MRAP2: variants seen among roughly 807,000 people sequenced by gnomAD.
The protein encoded by MRAP2 is melanocortin 2 receptor accessory protein 2.
In MRAP2, 20 loss-of-function variants were observed where a neutral mutation model predicts 17.4. The ratio of observed to expected loss-of-function variants is 1.15; its 90% CI spans 0.81 to 1.67. MRAP2 has a LOEUF of 1.67. Ranked by LOEUF, MRAP2 falls within the 40% of genes most tolerant of loss-of-function variation. MRAP2 has a pLI of 0.00. For synonymous variants in MRAP2, 96 were observed against 88.4 expected (o/e 1.09, Z -0.48); for missense variants, 238 against 240.0 (o/e 0.99, Z 0.05).
At chr6:84,072,770 G>A (rs990158470) in intron 3 of MRAP2, among the ~76,000 whole-genome samples, 21 of 152,048 alleles carry the variant, frequency 1.4e-4, no homozygotes, top group African/African-American at 4.4e-4. Context: ...GGGAGATGGG[G>A]GTGAGGCTCC....
At chr6:84,115,575 G>T in the MRAP2 span, among the ~76,000 whole-genome samples, 1 of 152,112 alleles carries the variant, frequency 6.6e-6, no homozygotes, top group African/African-American at 2.4e-5. Flanking sequence ...CCTTTCTAGG[G>T]GAGTGAACGG....
the MRAP2 span, among the ~76,000 whole-genome samples, chr6:84,128,602 G>C: frequency 2.0e-5 from 3 of 151,952 alleles, no homozygotes; most frequent in African/African-American, 7.3e-5. Context: ...TCTAAAATGG[G>C]AATAATAGTA....
chr6:84,052,769 G>A (rs2099490761), intron 1 of MRAP2: 1 of 983,362 alleles, frequency 1.0e-6, no homozygotes, highest in Non-Finnish European at 1.2e-6. Context: ...TGCAGAATGA[G>A]AACCTCCTGT....
chr6:84,104,756 T>C, the MRAP2 span, among the ~76,000 whole-genome samples: 1 of 152,032 alleles, frequency 6.6e-6, no homozygotes, highest in African/African-American at 2.4e-5. Flanking sequence ...TAGTCCCAGC[T>C]ACTTGGGAGG....
chr6:84,063,592 A>C (rs921652555), intron 3 of MRAP2, among the ~76,000 whole-genome samples: 2 of 152,240 alleles, frequency 1.3e-5, no homozygotes, highest in Non-Finnish European at 2.9e-5. Flanking sequence ...TGAGTGCTTA[A>C]AGAACATTGA....
the MRAP2 span, among the ~76,000 whole-genome samples, chr6:84,145,796 C>T: frequency 2.6e-5 from 4 of 152,216 alleles, no homozygotes; most frequent in East Asian, 3.9e-4. Context: ...CCTATTGCTG[C>T]GTGTCTTATA....
the MRAP2 span, among the ~76,000 whole-genome samples, chr6:84,102,815 A>AAT: frequency 6.6e-6 from 1 of 152,130 alleles, no homozygotes; most frequent in African/African-American, 2.4e-5. Flanking sequence ...TAAAAAAAAA[A>AAT]ATAATGTGAG....
At chr6:84,070,553 T>G (rs1588647792) in intron 3 of MRAP2, among the ~76,000 whole-genome samples, 1 of 152,200 alleles carries the variant, frequency 6.6e-6, no homozygotes, top group African/African-American at 2.4e-5. Flanking sequence ...CACTGTTGAA[T>G]AGAATGTGTA....
intron 1 of MRAP2, chr6:84,045,429 C>T (rs535520267): frequency 5.8e-5 from 57 of 975,274 alleles, no homozygotes; most frequent in Non-Finnish European, 6.7e-5. Context: ...TGCCCCCAGC[C>T]GTCACCCTTC....
intron 2 of MRAP2, among the ~76,000 whole-genome samples, chr6:84,056,694 T>C (rs137908439): frequency 6.6e-6 from 1 of 152,222 alleles, no homozygotes; most frequent in Admixed American, 6.5e-5. Flanking sequence ...ATAGTGGATA[T>C]CAAAATGACT....
At chr6:84,110,166 C>T in the MRAP2 span, among the ~76,000 whole-genome samples, 1 of 152,184 alleles carries the variant, frequency 6.6e-6, no homozygotes, top group Non-Finnish European at 1.5e-5. Flanking sequence ...AATTGCCATA[C>T]TGTCTTCCAA....
Position 84,041,509 on chromosome 6 carries a change from G to T in MRAP2, c.-8+7626G>T, listed in dbSNP as rs1248166809. Reference sequence around the variant, plus strand: ...TAGCTTGCCCCGTGCACCTGGAAAAGCCACAGACACTCAATGCCAGCTGTG... The same window carrying T: ...TAGCTTGCCCCGTGCACCTGGAAAATCCACAGACACTCAATGCCAGCTGTG... On this transcript the variant is annotated intron_variant, in intron 1 of 3. Coordinates refer to ENST00000257776, the MANE Select transcript of MRAP2 (RefSeq NM_138409.4). 5.3e-5 allele frequency among the ~76,000 whole-genome samples: 8 copies of T among 152,356 alleles called. No homozygotes were observed. The East Asian group carries it at 1.3e-3, about 26-fold the overall frequency.
At chr6:84,085,933 C>T (rs2099500334) in intron 3 of MRAP2, among the ~76,000 whole-genome samples, 1 of 152,172 alleles carries the variant, frequency 6.6e-6, no homozygotes, top group African/African-American at 2.4e-5. Context: ...GGGGCTTAGC[C>T]TGAGTGAAGA....
chr6:84,113,193 G>A, the MRAP2 span, among the ~76,000 whole-genome samples: 1,008 of 152,154 alleles, frequency 6.6e-3, 7 homozygotes, highest in African/African-American at 0.023. Flanking sequence ...TTGACAGTAG[G>A]GTAAAGTCTC....
the MRAP2 span, among the ~76,000 whole-genome samples, chr6:84,099,605 C>T: frequency 6.6e-6 from 1 of 152,068 alleles, no homozygotes; most frequent in Non-Finnish European, 1.5e-5. Flanking sequence ...AGGAGCCTGG[C>T]ACCTCCTCCT....
chr6:84,112,150 A>C, the MRAP2 span, among the ~76,000 whole-genome samples: 14 of 151,658 alleles, frequency 9.2e-5, no homozygotes, highest in African/African-American at 2.7e-4. Context: ...CCCTTTTTCT[A>C]TTGTTTGGAA....
At chr6:84,066,634 C>T (rs2099494772) in intron 3 of MRAP2, among the ~76,000 whole-genome samples, 1 of 152,124 alleles carries the variant, frequency 6.6e-6, no homozygotes, top group African/African-American at 2.4e-5. Context: ...CAACTAATTA[C>T]TTTATATCTC....
intron 2 of MRAP2, among the ~76,000 whole-genome samples, chr6:84,060,084 T>C (rs2099492712): frequency 1.3e-5 from 2 of 152,124 alleles, no homozygotes; most frequent in South Asian, 4.1e-4. Flanking sequence ...GGAAATAACT[T>C]GAGGAAGCTA....
intron 1 of MRAP2, among the ~76,000 whole-genome samples, chr6:84,044,988 T>A (rs879753642): frequency 1.3e-5 from 2 of 152,246 alleles, no homozygotes; most frequent in Non-Finnish European, 2.9e-5. Context: ...GTAATTTATT[T>A]CCTTAATAAT....
Sources: allele counts gnomAD v4.1 joint callset (sites outside exome capture counted in the v4.1 genomes callset), GRCh38; gene constraint gnomAD v4.1.1; transcripts MANE v1.5; gene names NCBI Gene and HGNC (gene_info 2026-07-23, HGNC 2026-07-21).